SMPDL3A: variants seen among roughly 807,000 people sequenced by gnomAD.
The protein encoded by SMPDL3A is cyclic GMP-AMP phosphodiesterase SMPDL3A.
SMPDL3A carries 39 observed loss-of-function variants against 38.5 expected under a neutral mutation model. That is an observed-to-expected ratio of 1.01 (90% confidence interval 0.78 to 1.32). SMPDL3A has a LOEUF of 1.32. SMPDL3A is among the 40% of genes most tolerant of loss of function. SMPDL3A has a pLI of 0.00. For missense variants in SMPDL3A, 502 were observed against 536.2 expected, an observed-to-expected ratio of 0.94 and a Z score of 0.63; for synonymous variants, 180 against 194.3, an observed-to-expected ratio of 0.93 and a Z score of 0.61.
intron 4 of SMPDL3A, among the ~76,000 whole-genome samples, chr6:122,801,694 G>A (rs1781433641): frequency 1.3e-5 from 2 of 152,216 alleles, no homozygotes; most frequent in African/African-American, 4.8e-5. Flanking sequence ...GTAAATAAAA[G>A]TGTATGTTTC....
At chr6:122,790,649 C>T (rs1187371758) in intron 1 of SMPDL3A, among the ~76,000 whole-genome samples, 3 of 152,246 alleles carry the variant, frequency 2.0e-5, no homozygotes, top group Admixed American at 6.5e-5. Flanking sequence ...ATCTGGTTTC[C>T]GAACTGTGGC....
At chr6:122,789,669 G>A in intron 1 of SMPDL3A, 1 of 324,594 alleles carries the variant, frequency 3.1e-6, no homozygotes. Context: ...CCGGGAGGCC[G>A]GGGCTGGGCG....
chr6:122,790,645 T>C (rs1781049539), intron 1 of SMPDL3A, among the ~76,000 whole-genome samples: 1 of 152,196 alleles, frequency 6.6e-6, no homozygotes, highest in African/African-American at 2.4e-5. Flanking sequence ...GTAAATCTGG[T>C]TTCCGAACTG....
At chr6:122,808,597 C>CCCTT (rs1554248597) in intron 7 of SMPDL3A, among the ~76,000 whole-genome samples, 103 of 35,846 alleles carry the variant, frequency 2.9e-3, no homozygotes, top group African/African-American at 8.1e-3. Flanking sequence ...CTCCCTTCCT[C>CCCTT]CCTCCCTCCC....
rs1781315563 is a variant in SMPDL3A at position 122,798,220 on chromosome 6, T to C, written c.471+1252T>C. Among the ~76,000 whole-genome samples, 3 of 152,158 alleles carry C rather than the reference T, an allele frequency of 2.0e-5. No homozygotes were observed. The South Asian group carries it at 6.2e-4, about 32-fold the overall frequency. On this transcript the variant is annotated intron_variant, in intron 3 of 7. Coordinates refer to ENST00000368440, the MANE Select transcript of SMPDL3A (RefSeq NM_006714.5). Reference sequence around the variant, plus strand: ...GACTTCTTGTCCCTGGCCTACTATCTTGAGATGAGTAATATGTGAGTCCTT... The same window carrying C: ...GACTTCTTGTCCCTGGCCTACTATCCTGAGATGAGTAATATGTGAGTCCTT...
intron 1 of SMPDL3A, chr6:122,789,861 A>G: frequency 1.0e-6 from 1 of 985,366 alleles, no homozygotes. Flanking sequence ...GAGGCCCCTA[A>G]TCGGTCCTGA....
chr6:122,800,008 G>A (rs1213255568), intron 3 of SMPDL3A, among the ~76,000 whole-genome samples: 1 of 136,476 alleles, frequency 7.3e-6, no homozygotes, highest in East Asian at 2.2e-4. Context: ...CTGTTGCCCA[G>A]GCTGGAGTGC....
chr6:122,806,367 C>G lies in SMPDL3A; in HGVS notation c.1044+10C>G. Reference sequence around the variant, plus strand: ...TGATTATAAATTATTGGTAAGTTGGCAGATTTCAGAGCTGACCCCATATTT... The same window carrying G: ...TGATTATAAATTATTGGTAAGTTGGGAGATTTCAGAGCTGACCCCATATTT... On this transcript the variant is annotated intron_variant, in intron 7 of 7. Coordinates refer to ENST00000368440, the MANE Select transcript of SMPDL3A (RefSeq NM_006714.5). 1 of 1,597,318 alleles carries G rather than the reference C, an allele frequency of 6.3e-7. No homozygotes were observed. The highest frequency in any genetic ancestry group is 8.5e-7 in the Non-Finnish European group (1 of 1,170,064).
chr6:122,803,000 T>G (rs1781476226), intron 4 of SMPDL3A, among the ~76,000 whole-genome samples: 1 of 152,268 alleles, frequency 6.6e-6, no homozygotes, highest in Non-Finnish European at 1.5e-5. Flanking sequence ...CAAGAAAGAA[T>G]AGAGAAAATT....
At chr6:122,790,974 G>A (rs1160727781) in intron 1 of SMPDL3A, among the ~76,000 whole-genome samples, 1 of 152,178 alleles carries the variant, frequency 6.6e-6, no homozygotes, top group Non-Finnish European at 1.5e-5. Context: ...GGAGTCACTG[G>A]AGTTCGAAAG....
chr6:122,796,753 C>T (rs930019103), intron 2 of SMPDL3A, 71 bp from the exon 3 acceptor site: 12 of 1,319,290 alleles, frequency 9.1e-6, no homozygotes, highest in South Asian at 2.7e-5. Flanking sequence ...GGTATAGCAA[C>T]GCATCATGCA....
At chr6:122,796,070 T>A (rs963684290) in intron 2 of SMPDL3A, among the ~76,000 whole-genome samples, 180 bp downstream of exon 2, 1 of 152,184 alleles carries the variant, frequency 6.6e-6, no homozygotes, top group African/African-American at 2.4e-5. Context: ...GAAGTGTTTT[T>A]TTTTGGAATA....
intron 6 of SMPDL3A, 25 bp from the exon 7 acceptor site, chr6:122,806,208 G>A (rs1781608849): frequency 6.3e-7 from 1 of 1,596,398 alleles, no homozygotes; most frequent in Non-Finnish European, 8.5e-7. Flanking sequence ...AAAAATGTAT[G>A]TTTATGTGCA....
chr6:122,789,896 A>C (rs1055668212), intron 1 of SMPDL3A: 1 of 981,310 alleles, frequency 1.0e-6, no homozygotes, highest in Non-Finnish European at 1.2e-6. Context: ...CAGTTTCCCC[A>C]CCAGCTCAGG....
chr6:122,798,030 T>G (rs1781307723), intron 3 of SMPDL3A, among the ~76,000 whole-genome samples: 1 of 149,892 alleles, frequency 6.7e-6, no homozygotes, highest in Admixed American at 6.6e-5. Context: ...CCCAAACATA[T>G]CTACTTTCAC....
intron 1 of SMPDL3A, chr6:122,789,895 C>T: frequency 2.0e-6 from 2 of 983,304 alleles, no homozygotes; most frequent in Non-Finnish European, 2.4e-6. Context: ...GCAGTTTCCC[C>T]ACCAGCTCAG....
intron 1 of SMPDL3A, among the ~76,000 whole-genome samples, chr6:122,791,572 C>A (rs575347962): frequency 6.6e-6 from 1 of 152,008 alleles, no homozygotes; most frequent in Non-Finnish European, 1.5e-5. Flanking sequence ...TCATTGGATT[C>A]TTGAGAAGTT....
chr6:122,791,689 A>T (rs1562346381), intron 1 of SMPDL3A, among the ~76,000 whole-genome samples: 2 of 151,974 alleles, frequency 1.3e-5, no homozygotes. Context: ...AATTTATTTT[A>T]TTATTTTATT....
chr6:122,802,982 T>C (rs923979880), intron 4 of SMPDL3A, among the ~76,000 whole-genome samples: 1 of 152,172 alleles, frequency 6.6e-6, no homozygotes, highest in African/African-American at 2.4e-5. Context: ...AATAAGGTGT[T>C]GTGACTACAA....
Sources: allele counts gnomAD v4.1 joint callset (sites outside exome capture counted in the v4.1 genomes callset), GRCh38; gene constraint gnomAD v4.1.1; transcripts MANE v1.5; gene names NCBI Gene and HGNC (gene_info 2026-07-23, HGNC 2026-07-21).